ARAP2: variants seen among roughly 807,000 people sequenced by gnomAD.
ARAP2 encodes the protein arf-GAP with Rho-GAP domain, ANK repeat and PH domain-containing protein 2.
In ARAP2, 148 loss-of-function variants were observed where a neutral mutation model predicts 194.5. The observed-to-expected ratio is 0.76, with a 90% CI of 0.67 to 0.87. ARAP2 has a LOEUF of 0.87. Among genes scored for constraint, ARAP2 ranks in the 40% least tolerant of loss-of-function variants. The probability of loss-of-function intolerance (pLI) is 0.00; values close to 1 mark genes in which losing one functional copy is unlikely to be tolerated. For synonymous variants in ARAP2, 695 were observed against 683.5 expected, an observed-to-expected ratio of 1.02 and a Z score of -0.26; for missense variants, 2,128 against 1,989.7, an observed-to-expected ratio of 1.07 and a Z score of -1.32.
intron 6 of ARAP2, among the ~76,000 whole-genome samples, chr4:36,201,044 C>A (rs1293627403): frequency 6.6e-6 from 1 of 152,160 alleles, no homozygotes; most frequent in African/African-American, 2.4e-5. Context: ...AAGTTGCAAT[C>A]AATAAAGAAG....
intron 15 of ARAP2, among the ~76,000 whole-genome samples, chr4:36,154,069 CTT>C (rs889439023): frequency 1.3e-5 from 2 of 152,126 alleles, no homozygotes; most frequent in African/African-American, 4.8e-5. Context: ...AAGCTGCCCT[CTT>C]TATGCTTGCA....
rs746032593 is a variant in ARAP2, at chr4:36,147,310, C to A, written c.3249G>T (p.Leu1083Phe). Residue 1083 changes from leucine (L) to phenylalanine (F), a missense_variant, in exon 19 of 33, where the codon TTG becomes TTT. Transcript: ENST00000303965. The part of the protein sequence containing the change: ...QNGEKLDVLL[L>F]VEKGRTLYIH... ...AAGGCACTTACCTCCCTTTTTCTAC[C>A]AAGAGTAAAACATCCAGTTTTTCCC... 5 of 1,612,642 alleles carry A rather than the reference C, an allele frequency of 3.1e-6. No homozygotes were observed. The South Asian group carries it at 4.4e-5, about 14-fold the overall frequency.
At chr4:36,142,245 T>C (rs1218031195) in intron 19 of ARAP2, among the ~76,000 whole-genome samples, 1 of 151,702 alleles carries the variant, frequency 6.6e-6, no homozygotes, top group Non-Finnish European at 1.5e-5. Context: ...TCTTCTTTTC[T>C]TACTTTTGCA....
intron 10 of ARAP2, among the ~76,000 whole-genome samples, chr4:36,166,589 C>T (rs1171766480): frequency 6.6e-6 from 1 of 151,050 alleles, no homozygotes; most frequent in East Asian, 1.9e-4. Flanking sequence ...AATAGCAATA[C>T]AACTTAAAGA....
intron 3 of ARAP2, among the ~76,000 whole-genome samples, chr4:36,213,567 C>CA (rs1202200909): frequency 6.6e-6 from 1 of 152,060 alleles, no homozygotes; most frequent in East Asian, 1.9e-4. Context: ...TGCAACCTGT[C>CA]ACACATGTCC....
At chr4:36,162,166 G>A (rs1734247787) in intron 11 of ARAP2, among the ~76,000 whole-genome samples, 1 of 151,752 alleles carries the variant, frequency 6.6e-6, no homozygotes, top group Admixed American at 6.6e-5. Context: ...ATGTGCATGA[G>A]TGCATATGTA....
At position 36,120,837 on chromosome 4, in the gene ARAP2, G is replaced by C. The variant is rs371676355; in HGVS notation, c.3894+342C>G. On this transcript the variant is annotated intron_variant, in intron 23 of 32. Transcript: ENST00000303965. ...TTCAACTGCAGAATTTAAGAGTCTG[G>C]TATTTATTAATGAATTGTTCATTTT... is the stretch of plus-strand genomic sequence containing the variant. 2.0e-5 allele frequency among the ~76,000 whole-genome samples: 3 copies of C among 151,598 alleles called. No homozygotes were observed. The East Asian group carries it at 5.8e-4, about 30-fold the overall frequency.
chr4:36,014,340 A>G (rs10050339), intron 8 of ARAP2, among the ~76,000 whole-genome samples: 11,133 of 98,434 alleles, frequency 0.11, 722 homozygotes, highest in African/African-American at 0.28. Context: ...GAAAGAAAGA[A>G]AGAAAGAAAG....
intron 1 of ARAP2, among the ~76,000 whole-genome samples, chr4:36,232,020 C>A (rs1418919468): frequency 2.0e-5 from 3 of 152,186 alleles, no homozygotes; most frequent in African/African-American, 7.2e-5. Flanking sequence ...AGGCCCAGAG[C>A]CCTCTATGTA....
chr4:36,117,555 T>C (rs1560466040), intron 24 of ARAP2, among the ~76,000 whole-genome samples: 2 of 151,690 alleles, frequency 1.3e-5, no homozygotes, highest in Admixed American at 6.6e-5. Context: ...CAAGCTATAA[T>C]GTGTGCATGA....
At chr4:36,178,436 TACTC>T (rs1278109723) in intron 8 of ARAP2, among the ~76,000 whole-genome samples, 1 of 152,208 alleles carries the variant, frequency 6.6e-6, no homozygotes, top group Non-Finnish European at 1.5e-5. Context: ...GCAAGTCAGT[TACTC>T]AAAGACCCCG....
chr4:36,062,705 A>G (rs1293837745), downstream of ARAP2, among the ~76,000 whole-genome samples: 2 of 151,884 alleles, frequency 1.3e-5, no homozygotes, highest in African/African-American at 4.8e-5. Flanking sequence ...TAACATTCCT[A>G]CTTCTCAGAT....
intron 3 of ARAP2, among the ~76,000 whole-genome samples, chr4:36,049,483 T>C (rs1722323905): frequency 1.3e-5 from 2 of 152,178 alleles, no homozygotes; most frequent in Admixed American, 6.5e-5. Context: ...TCTTTGCCTT[T>C]TATGACTATT....
At chr4:36,119,745 C>A in intron 23 of ARAP2, 27 bp from the exon 24 acceptor site, 1 of 1,495,658 alleles carries the variant, frequency 6.7e-7, no homozygotes. Context: ...TCGGGACATT[C>A]TAATAATGTA....
chr4:36,225,513 C>T (rs1750118748), intron 2 of ARAP2, among the ~76,000 whole-genome samples: 1 of 152,032 alleles, frequency 6.6e-6, no homozygotes, highest in South Asian at 2.1e-4. Flanking sequence ...TGCTTGGAGC[C>T]TAGTCCTGAT....
At chr4:36,209,109 G>A (rs982638168) in intron 6 of ARAP2, among the ~76,000 whole-genome samples, 1 of 152,070 alleles carries the variant, frequency 6.6e-6, no homozygotes, top group African/African-American at 2.4e-5. Flanking sequence ...GCCGCTGGGG[G>A]CTTTGTACTC....
chr4:36,058,190 G>A (rs1238729768), intron 1 of ARAP2: 1 of 152,166 alleles, frequency 6.6e-6, no homozygotes. Context: ...TTAGTATCAT[G>A]AGACTACAAA....
intron 2 of ARAP2, among the ~76,000 whole-genome samples, chr4:36,216,015 G>A (rs906887859): frequency 5.3e-5 from 8 of 151,720 alleles, no homozygotes; most frequent in African/African-American, 1.9e-4. Context: ...GGAGGCCAAG[G>A]TGGGCAGATT....
rs1311163354 is a variant in ARAP2 at position 36,107,635 on chromosome 4, T to C, written c.4215A>G (p.Leu1405=). Residue 1405 remains leucine (L), a synonymous_variant, in exon 27 of 33, where the codon TTA becomes TTG. Transcript: ENST00000303965. The part of the protein sequence containing the change: ...VLEQVLRWSS[L]AEPGSAYLVV... ...CCAGGTAAGCAGAGCCAGGTTCAGC[T>C]AATGAACTCCACCGAAGCACCTGCT... 6.2e-7 allele frequency: 1 copy of C among 1,611,074 alleles called. No homozygotes were observed. Among genetic ancestry groups the C allele is most frequent in the South Asian group, 1.1e-5 (1 of 90,848 alleles).
Sources: allele counts gnomAD v4.1 joint callset (sites outside exome capture counted in the v4.1 genomes callset), GRCh38; gene constraint gnomAD v4.1.1; transcripts MANE v1.5; gene names NCBI Gene and HGNC (gene_info 2026-07-23, HGNC 2026-07-21).